The following DLG2 variants were observed in gnomAD, a reference collection of about 807,000 sequenced individuals.
DLG2 encodes the protein disks large homolog 2.
In DLG2, 45 loss-of-function variants were observed where a neutral mutation model predicts 132.5. The observed-to-expected ratio is 0.34, with a 90% confidence interval of 0.27 to 0.44. The LOEUF (loss-of-function observed/expected upper bound fraction) is 0.44, where lower values mean the gene tolerates loss of function less well. DLG2 is among the 20% of genes least tolerant of loss of function. The pLI is 1.00. For missense variants in DLG2, 1,045 were observed against 1,196.9 expected, an observed-to-expected ratio of 0.87 and a Z score of 1.87; for synonymous variants, 424 against 419.6, an observed-to-expected ratio of 1.01 and a Z score of -0.13.
chr11:84,486,842 T>C (rs1363777528), intron 7 of DLG2, among the ~76,000 whole-genome samples: 1 of 152,120 alleles, frequency 6.6e-6, no homozygotes, highest in Non-Finnish European at 1.5e-5. Context: ...CATATAAAGA[T>C]ATTCAAGACC....
intron 6 of DLG2, among the ~76,000 whole-genome samples, chr11:84,845,212 G>T (rs1399266531): frequency 6.6e-6 from 1 of 152,054 alleles, no homozygotes; most frequent in East Asian, 1.9e-4. Flanking sequence ...TTGAAATTTG[G>T]TTATCCAATT....
At chr11:83,656,977 A>G (rs2072676313) in intron 18 of DLG2, among the ~76,000 whole-genome samples, 1 of 152,026 alleles carries the variant, frequency 6.6e-6, no homozygotes, top group Non-Finnish European at 1.5e-5. Flanking sequence ...TGTTACCCCC[A>G]TGAGTGCCTC....
chr11:85,330,807 A>AG (rs2081668211), intron 3 of DLG2, among the ~76,000 whole-genome samples: 1 of 149,240 alleles, frequency 6.7e-6, no homozygotes. Flanking sequence ...AAAAAAAAAA[A>AG]AAAAAGAAAA....
intron 3 of DLG2, among the ~76,000 whole-genome samples, chr11:85,420,852 T>G (rs954631984): frequency 6.6e-6 from 1 of 152,188 alleles, no homozygotes; most frequent in African/African-American, 2.4e-5. Flanking sequence ...TTCAAGCCAG[T>G]GGATCTTAGC....
intron 15 of DLG2, among the ~76,000 whole-genome samples, chr11:83,877,177 T>G (rs1365856522): frequency 2.6e-5 from 4 of 152,144 alleles, no homozygotes; most frequent in African/African-American, 4.8e-5. Context: ...TTAAAAGCAC[T>G]GACATTATAA....
intron 6 of DLG2, among the ~76,000 whole-genome samples, chr11:84,995,016 T>C (rs910700598): frequency 6.6e-6 from 1 of 152,184 alleles, no homozygotes. Flanking sequence ...AGGAGACCCA[T>C]GCTAAGAAAT....
At chr11:84,493,241 C>G (rs1227841803) in intron 7 of DLG2, among the ~76,000 whole-genome samples, 1 of 152,076 alleles carries the variant, frequency 6.6e-6, no homozygotes, top group Admixed American at 6.6e-5. Flanking sequence ...TTACTTTTGG[C>G]AGAGGCTCAG....
At chr11:84,447,384 C>G (rs1414528930) in intron 7 of DLG2, among the ~76,000 whole-genome samples, 2 of 152,058 alleles carry the variant, frequency 1.3e-5, no homozygotes, top group Non-Finnish European at 2.9e-5. Context: ...TCTAGACAGA[C>G]AGTACATGCT....
At chr11:85,283,043 C>T (rs988216729) in intron 4 of DLG2, among the ~76,000 whole-genome samples, 4 of 151,640 alleles carry the variant, frequency 2.6e-5, no homozygotes, top group Admixed American at 6.6e-5. Flanking sequence ...GATGAGAATA[C>T]ATGGTCACAA....
intron 19 of DLG2, among the ~76,000 whole-genome samples, chr11:83,601,507 G>GTTTTTTTTTTT (rs1365389170): frequency 3.9e-5 from 2 of 51,400 alleles, no homozygotes; most frequent in Admixed American, 3.1e-4. Flanking sequence ...AATATGTGAT[G>GTTTTTTTTTTT]TTCTTTTTTT....
At chr11:84,167,187 T>C (rs1047532001) in intron 8 of DLG2, among the ~76,000 whole-genome samples, 2 of 152,214 alleles carry the variant, frequency 1.3e-5, no homozygotes, top group African/African-American at 4.8e-5. Context: ...TTCTGAACTT[T>C]ATGGTTCTGT....
At chr11:83,669,668 C>T (rs543091076) in intron 18 of DLG2, among the ~76,000 whole-genome samples, 2 of 152,182 alleles carry the variant, frequency 1.3e-5, no homozygotes, top group Admixed American at 6.5e-5. Flanking sequence ...TTGAAGGGAC[C>T]ACAAGGGTGT....
chr11:85,511,820 G>A (rs1035700892), intron 3 of DLG2, among the ~76,000 whole-genome samples: 1 of 151,270 alleles, frequency 6.6e-6, no homozygotes, highest in East Asian at 1.9e-4. Context: ...CTGGGCTTAA[G>A]TGATCCTCCA....
intron 10 of DLG2, among the ~76,000 whole-genome samples, chr11:84,082,349 T>C (rs2096917233): frequency 6.6e-6 from 1 of 152,172 alleles, no homozygotes; most frequent in Non-Finnish European, 1.5e-5. Context: ...AGTGATAAGG[T>C]TGTGAATGAT....
At chr11:84,396,578 T>C (rs1399562941) in intron 7 of DLG2, among the ~76,000 whole-genome samples, 2 of 152,316 alleles carry the variant, frequency 1.3e-5, no homozygotes, top group Admixed American at 1.3e-4. Flanking sequence ...GTCTGTGATT[T>C]ATGTGCATAC....
chr11:83,803,065 G>C (rs1055657333), intron 17 of DLG2, among the ~76,000 whole-genome samples: 1 of 152,244 alleles, frequency 6.6e-6, no homozygotes, highest in South Asian at 2.1e-4. Flanking sequence ...AAAGGCAAAA[G>C]GGGTTATGTA....
At chr11:83,704,531 A>C (rs908489945) in intron 18 of DLG2, among the ~76,000 whole-genome samples, 1 of 151,970 alleles carries the variant, frequency 6.6e-6, no homozygotes, top group African/African-American at 2.4e-5. Flanking sequence ...AAAATGTATA[A>C]TTTGACCGAC....
intron 7 of DLG2, among the ~76,000 whole-genome samples, chr11:84,299,123 T>C (rs1029301371): frequency 6.6e-6 from 1 of 152,062 alleles, no homozygotes; most frequent in African/African-American, 2.4e-5. Context: ...AATCCTAGGA[T>C]AAAAAATAGA....
chr11:84,650,716 A>C (rs1565560141), intron 6 of DLG2, among the ~76,000 whole-genome samples: 1 of 151,810 alleles, frequency 6.6e-6, no homozygotes, highest in African/African-American at 2.4e-5. Flanking sequence ...TTACTTTTTC[A>C]ATAATATGCT....
Sources: allele counts gnomAD v4.1 joint callset (sites outside exome capture counted in the v4.1 genomes callset), GRCh38; gene constraint gnomAD v4.1.1; transcripts MANE v1.5; gene names NCBI Gene and HGNC (gene_info 2026-07-23, HGNC 2026-07-21).